The following SIPA1L3 variants were observed in gnomAD, a reference collection of about 807,000 sequenced individuals.
SIPA1L3 encodes the protein signal-induced proliferation-associated 1-like protein 3.
A neutral mutation model predicts 150.1 loss-of-function variants in SIPA1L3; 59 were observed. That is an observed-to-expected ratio of 0.39 (90% CI 0.32 to 0.49). The LOEUF (loss-of-function observed/expected upper bound fraction) is 0.49. Ranked by LOEUF, SIPA1L3 falls within the 20% of genes least tolerant of loss-of-function variation. The pLI is 0.86. For missense variants in SIPA1L3, 2,211 were observed against 2,489.5 expected, an observed-to-expected ratio of 0.89 and a Z score of 2.38; for synonymous variants, 1,070 against 1,077.6, an observed-to-expected ratio of 0.99 and a Z score of 0.14.
intron 2 of SIPA1L3, among the ~76,000 whole-genome samples, chr19:38,062,449 C>A (rs998596506): frequency 6.6e-6 from 1 of 152,176 alleles, no homozygotes; most frequent in Non-Finnish European, 1.5e-5. Context: ...ACAGTAGGGC[C>A]TTCCTCCTCA....
At chr19:38,051,338 C>T (rs1324751664) in intron 2 of SIPA1L3, among the ~76,000 whole-genome samples, 3 of 152,178 alleles carry the variant, frequency 2.0e-5, no homozygotes, top group Admixed American at 2.0e-4. Flanking sequence ...TTTACTGATT[C>T]TTTAATGAGA....
intron 1 of SIPA1L3, among the ~76,000 whole-genome samples, chr19:37,923,279 G>A (rs1396786817): frequency 6.6e-6 from 1 of 152,178 alleles, no homozygotes; most frequent in Non-Finnish European, 1.5e-5. Flanking sequence ...GTGTTGTTAG[G>A]CTCTTTTGTT....
At chr19:37,928,877 A>G (rs2046528953) in intron 1 of SIPA1L3, among the ~76,000 whole-genome samples, 1 of 152,160 alleles carries the variant, frequency 6.6e-6, no homozygotes, top group Admixed American at 6.5e-5. Context: ...CAGTTCCACA[A>G]TGCCTGCAGG....
chr19:38,071,258 TA>T, intron 2 of SIPA1L3, among the ~76,000 whole-genome samples: 1 of 151,532 alleles, frequency 6.6e-6, no homozygotes, highest in Non-Finnish European at 1.5e-5. Flanking sequence ...TCTATCTATC[TA>T]TCTATCTGCC....
rs546205686 is a variant in SIPA1L3, at chr19:38,075,326, C to T, written c.-310-5930C>T. Among the ~76,000 whole-genome samples, 6 of 152,170 alleles carry T rather than the reference C, an allele frequency of 3.9e-5. 1 individual carries two copies. The highest frequency in any genetic ancestry group is 1.2e-4 in the African/African-American group (5 of 41,530). On this transcript the variant is annotated intron_variant, in intron 2 of 21. Coordinates refer to ENST00000222345, the MANE Select transcript of SIPA1L3 (RefSeq NM_015073.3). ...ACAAAATTAGCTGGGCGTGGTGGCA[C>T]ATGCCTGTAATCCCAGCTACTCAGG...
chr19:38,108,278 C>T (rs978436829), intron 7 of SIPA1L3, among the ~76,000 whole-genome samples: 1 of 151,834 alleles, frequency 6.6e-6, no homozygotes, highest in Admixed American at 6.6e-5. Context: ...AAGCTTGAGT[C>T]GTAGAGTTAA....
chr19:37,914,301 T>G, intron 1 of SIPA1L3, among the ~76,000 whole-genome samples: 1 of 150,936 alleles, frequency 6.6e-6, no homozygotes, highest in African/African-American at 2.4e-5. Context: ...GAGGTGGGAG[T>G]GAGTTTGCTA....
At chr19:38,031,814 G>T (rs2145722770) in intron 2 of SIPA1L3, among the ~76,000 whole-genome samples, 1 of 152,314 alleles carries the variant, frequency 6.6e-6, no homozygotes, top group African/African-American at 2.4e-5. Flanking sequence ...GCCAGGTGTG[G>T]TGGTGCACAC....
chr19:38,029,463 A>G (rs1387597978), intron 2 of SIPA1L3, among the ~76,000 whole-genome samples: 1 of 152,184 alleles, frequency 6.6e-6, no homozygotes, highest in African/African-American at 2.4e-5. Context: ...ACCATCCCCA[A>G]TAATAGTATG....
intron 9 of SIPA1L3, 42 bp from the exon 10 acceptor site, chr19:38,130,456 C>G (rs1231532466): frequency 6.3e-7 from 1 of 1,578,660 alleles, no homozygotes; most frequent in Non-Finnish European, 8.6e-7. Flanking sequence ...GAGGAGCTGA[C>G]CCAAGCAGCT....
At chr19:38,150,824 A>C (rs574433775) in intron 12 of SIPA1L3, among the ~76,000 whole-genome samples, 1 of 152,124 alleles carries the variant, frequency 6.6e-6, no homozygotes, top group South Asian at 2.1e-4. Flanking sequence ...TACAGGCGTG[A>C]GCCACCACAC....
chr19:38,163,914 CAG>C (rs1972147862), intron 14 of SIPA1L3, among the ~76,000 whole-genome samples: 1 of 152,270 alleles, frequency 6.6e-6, no homozygotes, highest in South Asian at 2.1e-4. Flanking sequence ...GGGGAATAAA[CAG>C]GGGGATGAGG....
intron 1 of SIPA1L3, among the ~76,000 whole-genome samples, chr19:37,995,935 A>T (rs901818647): frequency 1.3e-5 from 2 of 152,110 alleles, no homozygotes; most frequent in Non-Finnish European, 2.9e-5. Context: ...TTTTGTTCCG[A>T]GACAGGGTCT....
chr19:38,001,015 TATATATCACACAC>T (rs1178331093), intron 1 of SIPA1L3, among the ~76,000 whole-genome samples: 1 of 149,476 alleles, frequency 6.7e-6, no homozygotes, highest in Non-Finnish European at 1.5e-5. Context: ...CATATACACA[TATATATCACACAC>T]ATATATCACA....
chr19:38,009,239 C>T (rs1176224756), intron 1 of SIPA1L3, among the ~76,000 whole-genome samples: 2 of 151,988 alleles, frequency 1.3e-5, no homozygotes, highest in Admixed American at 6.6e-5. Context: ...AGGCTGGTCT[C>T]GAACTCCTGA....
At chr19:37,925,887 C>T (rs536394846) in intron 1 of SIPA1L3, among the ~76,000 whole-genome samples, 17 of 152,168 alleles carry the variant, frequency 1.1e-4, no homozygotes, top group Admixed American at 2.0e-4. Context: ...CCATTGCGCC[C>T]GGCCGATTTA....
intron 1 of SIPA1L3, among the ~76,000 whole-genome samples, chr19:37,967,982 GTAAAGCC>G (rs2046919544): frequency 6.6e-6 from 1 of 152,036 alleles, no homozygotes; most frequent in African/African-American, 2.4e-5. Context: ...ATTCATACAA[GTAAAGCC>G]TTTAGCTCAG....
chr19:37,915,457 C>T (rs920957256), intron 1 of SIPA1L3, among the ~76,000 whole-genome samples: 1 of 152,076 alleles, frequency 6.6e-6, no homozygotes, highest in African/African-American at 2.4e-5. Flanking sequence ...TCTGGGCTCA[C>T]TGCAACCTCC....
chr19:38,136,890 G>A (rs952431692), intron 10 of SIPA1L3, among the ~76,000 whole-genome samples: 2 of 152,212 alleles, frequency 1.3e-5, no homozygotes, highest in Non-Finnish European at 2.9e-5. Flanking sequence ...TCAGAAAGTG[G>A]AAGTGAGGCT....
Sources: gnomAD v4.1 joint callset for allele counts (sites outside exome capture counted in the v4.1 genomes callset) on GRCh38, gnomAD v4.1.1 for gene constraint, MANE v1.5 for transcripts, NCBI Gene and HGNC (gene_info 2026-07-23, HGNC 2026-07-21) for gene names.